The following TENM3 variants were observed in gnomAD, a reference collection of about 807,000 sequenced individuals.
TENM3 encodes the protein teneurin transmembrane protein 3.
A neutral mutation model predicts 255.1 loss-of-function variants in TENM3; 63 were observed. That is an observed-to-expected ratio of 0.25 (90% CI 0.20 to 0.30). TENM3 has a LOEUF of 0.30. Among genes scored for constraint, TENM3 ranks in the 10% least tolerant of loss-of-function variants. The pLI is 1.00. For missense variants in TENM3, 2,929 were observed against 3,461.1 expected, an observed-to-expected ratio of 0.85 and a Z score of 3.86; for synonymous variants, 1,306 against 1,322.3, an observed-to-expected ratio of 0.99 and a Z score of 0.27.
chr4:182,624,790 A>G (rs1399691789), intron 4 of TENM3, among the ~76,000 whole-genome samples: 1 of 152,242 alleles, frequency 6.6e-6, no homozygotes, highest in Admixed American at 6.5e-5. Context: ...ATTGAGGCAG[A>G]GGAAACACAG....
At chr4:182,198,255 A>G (rs559838860) in intron 1 of TENM3, among the ~76,000 whole-genome samples, 1 of 152,338 alleles carries the variant, frequency 6.6e-6, no homozygotes, top group East Asian at 1.9e-4. Context: ...TGCACGAATA[A>G]ACTCTCCTTC....
rs576532989 is a variant in TENM3, at chr4:182,619,422, T to C, written c.750-9229T>C. ...CTCCAGCCTGGCAACAGAGCAAGTC[T>C]CCATCTCAAAAAAAAAAACAATAGA... On this transcript the variant is annotated intron_variant, in intron 4 of 27. Transcript: ENST00000511685. 7.6e-5 allele frequency among the ~76,000 whole-genome samples: 11 copies of C among 145,268 alleles called. 1 individual carries two copies. The South Asian group carries it at 2.5e-3, about 33-fold the overall frequency.
the TENM3 span, among the ~76,000 whole-genome samples, chr4:182,094,757 A>C: frequency 2.0e-5 from 3 of 152,180 alleles, no homozygotes; most frequent in Non-Finnish European, 2.9e-5. Flanking sequence ...TAAGACATTA[A>C]GGTAATGACA....
At chr4:182,606,443 G>C (rs145406044) in intron 4 of TENM3, among the ~76,000 whole-genome samples, 1 of 142,750 alleles carries the variant, frequency 7.0e-6, no homozygotes, top group Non-Finnish European at 1.5e-5. Context: ...AGAATCTCTT[G>C]AACCCGGGAG....
chr4:181,928,925 A>G, the TENM3 span, among the ~76,000 whole-genome samples: 1 of 152,214 alleles, frequency 6.6e-6, no homozygotes, highest in African/African-American at 2.4e-5. Flanking sequence ...TATCCAGTGA[A>G]ACTAAACTTC....
chr4:181,552,712 T>C, the TENM3 span, among the ~76,000 whole-genome samples: 6 of 152,186 alleles, frequency 3.9e-5, no homozygotes, highest in Non-Finnish European at 8.8e-5. Flanking sequence ...AAGAGAAAGA[T>C]TTACTGTGTA....
chr4:181,820,511 A>G, the TENM3 span, among the ~76,000 whole-genome samples: 1 of 151,852 alleles, frequency 6.6e-6, no homozygotes, highest in African/African-American at 2.4e-5. Context: ...ACACACACAC[A>G]CACAGTAGTT....
At chr4:181,625,422 T>A in the TENM3 span, among the ~76,000 whole-genome samples, 1 of 152,274 alleles carries the variant, frequency 6.6e-6, no homozygotes, top group Non-Finnish European at 1.5e-5. Flanking sequence ...GTCCTGCCCA[T>A]CAGCAGAGGA....
chr4:182,428,920 T>C (rs1194200078), intron 3 of TENM3, among the ~76,000 whole-genome samples: 2 of 152,164 alleles, frequency 1.3e-5, no homozygotes, highest in African/African-American at 2.4e-5. Flanking sequence ...CCAGTAAGCA[T>C]AATGGATTTA....
At chr4:182,524,852 A>G (rs868384404) in intron 3 of TENM3, among the ~76,000 whole-genome samples, 52 of 151,808 alleles carry the variant, frequency 3.4e-4, no homozygotes, top group Middle Eastern at 3.4e-3. Flanking sequence ...AAAAAAAAAA[A>G]AAAGAAAAGA....
the TENM3 span, among the ~76,000 whole-genome samples, chr4:181,805,981 T>C: frequency 0.51 from 77,778 of 151,886 alleles, 21,314 homozygotes; most frequent in Non-Finnish European, 0.62. Context: ...CCCTAAGCCA[T>C]CCTCCGATAT....
chr4:181,841,262 A>G, the TENM3 span, among the ~76,000 whole-genome samples: 2 of 152,124 alleles, frequency 1.3e-5, no homozygotes, highest in African/African-American at 2.4e-5. Flanking sequence ...AAACAATTTA[A>G]AATTCAGGGA....
In TENM3 at chr4:182,524,669, C is replaced by T. The variant is rs535770314; in HGVS notation, c.512-76255C>T. ...AACCGTCACACCCGACCTGACAAACCTCTTTTAAAACCAAACTCATATTTG... is the reference window on the plus strand; with the variant it reads ...AACCGTCACACCCGACCTGACAAACTTCTTTTAAAACCAAACTCATATTTG... On this transcript the variant is annotated intron_variant, in intron 3 of 27. Transcript: ENST00000511685. 9.9e-5 allele frequency among the ~76,000 whole-genome samples: 15 copies of T among 151,760 alleles called. No homozygotes were observed. In the East Asian group the frequency reaches 2.9e-3, roughly 29 times the overall value.
In TENM3 at chr4:182,713,773, A is replaced by AACAAC. The variant is rs1758935118; in HGVS notation, c.2222-314_2222-313insACAAC. Among the ~76,000 whole-genome samples, 4 of 152,310 alleles carry AACAAC rather than the reference A, an allele frequency of 2.6e-5. 1 individual carries two copies. The highest frequency in any genetic ancestry group is 9.6e-5 in the African/African-American group (4 of 41,564). Reference sequence around the variant, plus strand: ...TGTTGAGATGGCTTTTCCACACCGTACAATATACCTTGTTGCTTGGCTAAA... The same window carrying AACAAC: ...TGTTGAGATGGCTTTTCCACACCGTAACAACCAATATACCTTGTTGCTTGGCTAAA... On this transcript the variant is annotated intron_variant, in intron 12 of 27. Coordinates refer to ENST00000511685, the MANE Select transcript of TENM3 (RefSeq NM_001080477.4).
At chr4:181,815,812 C>T in the TENM3 span, among the ~76,000 whole-genome samples, 19 of 152,142 alleles carry the variant, frequency 1.2e-4, no homozygotes, top group Non-Finnish European at 2.4e-4. Flanking sequence ...ATATATGTCT[C>T]ATGGCCAAAA....
the TENM3 span, among the ~76,000 whole-genome samples, chr4:181,566,978 A>G: frequency 3.2e-3 from 486 of 152,278 alleles, 2 homozygotes; most frequent in Non-Finnish European, 5.6e-3. Context: ...GAGACTCCAA[A>G]TAGGGTTCTG....
intron 5 of TENM3, among the ~76,000 whole-genome samples, chr4:182,642,630 C>G (rs1253024018): frequency 6.6e-6 from 1 of 152,106 alleles, no homozygotes; most frequent in Non-Finnish European, 1.5e-5. Context: ...AAAGGAAAAA[C>G]AGCATAGAAA....
the TENM3 span, among the ~76,000 whole-genome samples, chr4:182,043,664 G>A: frequency 2.6e-5 from 4 of 152,050 alleles, no homozygotes; most frequent in East Asian, 1.9e-4. Context: ...TGAAGTATCC[G>A]GGGAATTGGG....
chr4:182,229,998 T>C (rs2726821), intron 1 of TENM3, among the ~76,000 whole-genome samples: 99,143 of 151,764 alleles, frequency 0.65, 33,207 homozygotes, highest in Middle Eastern at 0.71. Flanking sequence ...CATTTTTATC[T>C]GCAGATCTCA....
Sources: gnomAD v4.1 joint callset for allele counts (sites outside exome capture counted in the v4.1 genomes callset) on GRCh38, gnomAD v4.1.1 for gene constraint, MANE v1.5 for transcripts, NCBI Gene and HGNC (gene_info 2026-07-23, HGNC 2026-07-21) for gene names.